PACRG: variants seen among roughly 807,000 people sequenced by gnomAD.
PACRG encodes parkin coregulated gene protein.
In PACRG, 29 loss-of-function variants were observed where a neutral mutation model predicts 29.7. The observed-to-expected ratio is 0.98, with a 90% CI of 0.73 to 1.33. PACRG has a LOEUF of 1.33. Among genes scored for constraint, PACRG ranks in the 40% most tolerant of loss-of-function variants. PACRG has a pLI of 0.00. For synonymous variants in PACRG, 116 were observed against 118.7 expected, an observed-to-expected ratio of 0.98 and a Z score of 0.15; for missense variants, 279 against 316.2, an observed-to-expected ratio of 0.88 and a Z score of 0.89.
intron 2 of PACRG, among the ~76,000 whole-genome samples, chr6:163,047,767 TGG>T (rs1809549701): frequency 6.6e-6 from 1 of 152,188 alleles, no homozygotes; most frequent in Non-Finnish European, 1.5e-5. Flanking sequence ...ATGATTAATT[TGG>T]GCAGAATCAT....
chr6:162,979,724 T>C (rs928142178), intron 2 of PACRG, among the ~76,000 whole-genome samples: 1 of 152,206 alleles, frequency 6.6e-6, no homozygotes, highest in African/African-American at 2.4e-5. Flanking sequence ...TTATCTGATT[T>C]TTTTAGCTTT....
At chr6:163,201,768 C>T (rs572490181) in intron 4 of PACRG, among the ~76,000 whole-genome samples, 6 of 152,330 alleles carry the variant, frequency 3.9e-5, no homozygotes, top group African/African-American at 4.8e-5. Flanking sequence ...AGCATGGTGA[C>T]GGTTCTCTCT....
intron 1 of PACRG, among the ~76,000 whole-genome samples, chr6:162,731,619 A>T (rs1447452870): frequency 6.6e-6 from 1 of 152,030 alleles, no homozygotes; most frequent in African/African-American, 2.4e-5. Context: ...ATGGAGACTG[A>T]GGGATGACTG....
intron 2 of PACRG, among the ~76,000 whole-genome samples, chr6:162,817,731 T>C (rs1787482250): frequency 6.6e-6 from 1 of 152,156 alleles, no homozygotes; most frequent in Admixed American, 6.6e-5. Context: ...CAGATTAAGA[T>C]AATGGCAGTC....
At chr6:162,919,861 T>TA (rs1256704605) in intron 2 of PACRG, among the ~76,000 whole-genome samples, 3 of 152,168 alleles carry the variant, frequency 2.0e-5, no homozygotes, top group Non-Finnish European at 2.9e-5. Context: ...AATAGCTGTA[T>TA]AACAGGGTCA....
intron 2 of PACRG, among the ~76,000 whole-genome samples, chr6:162,895,224 C>T (rs532383116): frequency 7.8e-5 from 11 of 140,674 alleles, no homozygotes; most frequent in African/African-American, 1.9e-4. Context: ...GAGCAGTGTT[C>T]GTGCCACCGC....
chr6:163,135,232 G>A (rs1177765530), intron 4 of PACRG, among the ~76,000 whole-genome samples: 1 of 150,456 alleles, frequency 6.6e-6, no homozygotes, highest in African/African-American at 2.4e-5. Context: ...TCTGTTGCCT[G>A]GGCTGGAGTA....
chr6:163,019,477 G>A (rs1248606709), intron 2 of PACRG, among the ~76,000 whole-genome samples: 2 of 152,124 alleles, frequency 1.3e-5, no homozygotes, highest in Admixed American at 6.5e-5. Flanking sequence ...GGAGAGATTT[G>A]TACTAGAAGG....
intron 2 of PACRG, among the ~76,000 whole-genome samples, chr6:162,967,744 T>G (rs964658320): frequency 6.6e-6 from 1 of 152,176 alleles, no homozygotes. Context: ...CCTGACCTCA[T>G]GATCCGCCCA....
chr6:163,175,263 T>C (rs1779289522), intron 4 of PACRG, among the ~76,000 whole-genome samples: 1 of 152,106 alleles, frequency 6.6e-6, no homozygotes, highest in African/African-American at 2.4e-5. Context: ...ACTTTAAAGC[T>C]TGGGGAACAA....
At chr6:163,021,824 G>A (rs921338308) in intron 2 of PACRG, among the ~76,000 whole-genome samples, 1 of 152,166 alleles carries the variant, frequency 6.6e-6, no homozygotes, top group African/African-American at 2.4e-5. Flanking sequence ...CCTGCCTCAA[G>A]GGAGGCACTG....
At chr6:162,817,621 G>A (rs953239777) in intron 2 of PACRG, among the ~76,000 whole-genome samples, 9 of 152,154 alleles carry the variant, frequency 5.9e-5, no homozygotes, top group Non-Finnish European at 1.2e-4. Context: ...CACTTGAAAT[G>A]TGCCTACGGA....
At chr6:163,106,924 A>G (rs924678127) in intron 4 of PACRG, among the ~76,000 whole-genome samples, 1 of 152,204 alleles carries the variant, frequency 6.6e-6, no homozygotes. Flanking sequence ...AACTATGTAA[A>G]TTAATTGTAA....
At chr6:162,957,672 C>CT (rs11321475) in intron 2 of PACRG, 9 of 152,036 alleles carry the variant, frequency 5.9e-5, no homozygotes, top group South Asian at 4.2e-4. Context: ...TCACTGTTTA[C>CT]TTTTTTTTTT....
intron 4 of PACRG, among the ~76,000 whole-genome samples, chr6:163,266,816 G>A (rs547713323): frequency 2.6e-5 from 4 of 152,296 alleles, no homozygotes; most frequent in African/African-American, 9.6e-5. Context: ...GCCGTCAAAT[G>A]TCAGGCTCCT....
At chr6:163,098,117 A>AT (rs1282172936) in intron 4 of PACRG, among the ~76,000 whole-genome samples, 2 of 152,072 alleles carry the variant, frequency 1.3e-5, no homozygotes, top group Non-Finnish European at 2.9e-5. Flanking sequence ...CTCTGATGAG[A>AT]TTTTATGGTT....
At chr6:163,120,371 T>C (rs562998082) in intron 4 of PACRG, among the ~76,000 whole-genome samples, 1 of 152,296 alleles carries the variant, frequency 6.6e-6, no homozygotes, top group South Asian at 2.1e-4. Context: ...CATGGTTATG[T>C]GTTCTTAGCT....
At chr6:163,181,893 G>C (rs1018912887) in intron 4 of PACRG, among the ~76,000 whole-genome samples, 4 of 152,166 alleles carry the variant, frequency 2.6e-5, no homozygotes, top group Non-Finnish European at 4.4e-5. Flanking sequence ...AGATAGCAGT[G>C]AATCGGGGTT....
At chr6:162,819,983 G>T (rs549343916) in intron 2 of PACRG, among the ~76,000 whole-genome samples, 1 of 152,116 alleles carries the variant, frequency 6.6e-6, no homozygotes, top group African/African-American at 2.4e-5. Flanking sequence ...AGCACTTTAG[G>T]TTCCAGAATG....
Sources: gnomAD v4.1 joint callset for allele counts (sites outside exome capture counted in the v4.1 genomes callset) on GRCh38, gnomAD v4.1.1 for gene constraint, MANE v1.5 for transcripts, NCBI Gene and HGNC (gene_info 2026-07-23, HGNC 2026-07-21) for gene names.